SHANK2: variants seen among roughly 807,000 people sequenced by gnomAD.
The protein encoded by SHANK2 is SH3 and multiple ankyrin repeat domains 2, also known as SH3 and multiple ankyrin repeat domains protein 2.
SHANK2 carries 43 observed loss-of-function variants against 133.7 expected under a neutral mutation model. The observed-to-expected ratio is 0.32, with a 90% CI of 0.25 to 0.41. The LOEUF (loss-of-function observed/expected upper bound fraction) is 0.41. SHANK2 is among the 10% of genes least tolerant of loss of function. The pLI is 1.00. For synonymous variants in SHANK2, 1,017 were observed against 952.8 expected (o/e 1.07, Z -1.24); for missense variants, 1,994 against 2,235.8 (o/e 0.89, Z 2.18).
intron 14 of SHANK2, among the ~76,000 whole-genome samples, chr11:70,778,577 G>A (rs1033833945): frequency 6.6e-6 from 1 of 152,176 alleles, no homozygotes; most frequent in African/African-American, 2.4e-5. Context: ...GAGGAAGAGA[G>A]AGCAGAGGTG....
At chr11:70,720,160 C>A (rs1343821511) in intron 14 of SHANK2, among the ~76,000 whole-genome samples, 3 of 152,190 alleles carry the variant, frequency 2.0e-5, no homozygotes, top group South Asian at 2.1e-4. Flanking sequence ...CACAGCTGCA[C>A]CCCCAGGGCC....
chr11:70,501,866 T>TG, intron 20 of SHANK2, 57 bp downstream of exon 20: 1 of 1,542,798 alleles, frequency 6.5e-7, no homozygotes, highest in South Asian at 1.2e-5. Flanking sequence ...TGGATGTCAG[T>TG]GGGGGTGCCC....
intron 11 of SHANK2, among the ~76,000 whole-genome samples, chr11:70,833,628 T>C (rs1948764011): frequency 6.6e-6 from 1 of 152,362 alleles, no homozygotes; most frequent in Admixed American, 6.5e-5. Context: ...GTGATGATGG[T>C]CACTTCAAGG....
At chr11:70,661,933 A>G in intron 15 of SHANK2, 1 of 902,674 alleles carries the variant, frequency 1.1e-6, no homozygotes, top group Admixed American at 2.0e-5. Flanking sequence ...CAGCCGGAGG[A>G]AGGAGTCATA....
chr11:70,510,142 G>C (rs1346205673), intron 17 of SHANK2, among the ~76,000 whole-genome samples: 3 of 152,204 alleles, frequency 2.0e-5, no homozygotes, highest in Non-Finnish European at 4.4e-5. Context: ...GGCAGGGACT[G>C]GAGGAGCAGA....
intron 10 of SHANK2, among the ~76,000 whole-genome samples, chr11:70,908,784 G>T (rs1950148099): frequency 1.3e-5 from 2 of 152,180 alleles, no homozygotes; most frequent in South Asian, 4.1e-4. Flanking sequence ...ACCACTTTCA[G>T]CGTTTGAAAG....
intron 17 of SHANK2, among the ~76,000 whole-genome samples, chr11:70,547,915 G>A (rs564540601): frequency 2.6e-5 from 4 of 152,244 alleles, no homozygotes; most frequent in Non-Finnish European, 5.9e-5. Context: ...GTGAAGATAA[G>A]CTTGTTATCA....
chr11:70,796,099 T>C (rs1947905013), intron 14 of SHANK2, among the ~76,000 whole-genome samples: 1 of 152,062 alleles, frequency 6.6e-6, no homozygotes, highest in African/African-American at 2.4e-5. Context: ...CTGCACAGGA[T>C]GTACATTTTC....
intron 8 of SHANK2, among the ~76,000 whole-genome samples, chr11:71,084,523 C>T (rs1403936095): frequency 3.3e-5 from 5 of 152,218 alleles, no homozygotes; most frequent in African/African-American, 1.2e-4. Flanking sequence ...ACGATGAACG[C>T]CCAGAACCCT....
chr11:70,856,107 T>C (rs1183497006), intron 11 of SHANK2, among the ~76,000 whole-genome samples: 3 of 151,080 alleles, frequency 2.0e-5, no homozygotes, highest in African/African-American at 7.3e-5. Flanking sequence ...GGTGGGAGGA[T>C]GGGTGAATGG....
At chr11:70,888,950 C>T (rs1052853203) in intron 11 of SHANK2, among the ~76,000 whole-genome samples, 10 of 152,228 alleles carry the variant, frequency 6.6e-5, no homozygotes, top group South Asian at 4.2e-4. Flanking sequence ...ACAGTGGGGA[C>T]GGTAGAATCA....
At chr11:70,661,869 T>G in intron 15 of SHANK2, 191 bp from the exon 16 acceptor site, 1 of 1,516,002 alleles carries the variant, frequency 6.6e-7, no homozygotes, top group Non-Finnish European at 9.0e-7. Context: ...GCTACCGGGA[T>G]AGGCGAGCGT....
chr11:70,497,136 C>T, intron 21 of SHANK2: 2 of 423,768 alleles, frequency 4.7e-6, no homozygotes, highest in South Asian at 1.8e-5. Flanking sequence ...GAAAACCCTG[C>T]ATTGGCTCCC....
At chr11:70,524,229 C>G (rs2059367507) in intron 17 of SHANK2, among the ~76,000 whole-genome samples, 3 of 152,210 alleles carry the variant, frequency 2.0e-5, no homozygotes, top group Non-Finnish European at 4.4e-5. Flanking sequence ...AGTCCCACCC[C>G]CTGGGGGGCA....
At chr11:70,543,879 G>T (rs1009985242) in intron 17 of SHANK2, among the ~76,000 whole-genome samples, 7 of 152,318 alleles carry the variant, frequency 4.6e-5, no homozygotes, top group African/African-American at 1.7e-4. Context: ...GAACTGAATT[G>T]AATTAGGGGC....
intron 17 of SHANK2, among the ~76,000 whole-genome samples, chr11:70,587,596 GA>G (rs1379418975): frequency 6.6e-6 from 1 of 152,108 alleles, no homozygotes; most frequent in African/African-American, 2.4e-5. Context: ...AAAAGATGCA[GA>G]GGCATATCTT....
chr11:70,627,358 G>A (rs1212817935), intron 17 of SHANK2, among the ~76,000 whole-genome samples: 1 of 152,170 alleles, frequency 6.6e-6, no homozygotes, highest in Non-Finnish European at 1.5e-5. Context: ...GGTCCAGCTG[G>A]TGGGGGCGTC....
At chr11:70,599,431 C>T (rs1238334714) in intron 17 of SHANK2, among the ~76,000 whole-genome samples, 1 of 114,524 alleles carries the variant, frequency 8.7e-6, no homozygotes, top group Admixed American at 9.0e-5. Context: ...CACGGTGAAA[C>T]CCCGTCTCTA....
chr11:70,624,668 A>G (rs1320471646), intron 17 of SHANK2, among the ~76,000 whole-genome samples: 1 of 152,182 alleles, frequency 6.6e-6, no homozygotes, highest in African/African-American at 2.4e-5. Context: ...GTCTGGAGAC[A>G]TTCTTGGTTT....
Sources: gnomAD v4.1 joint callset for allele counts (sites outside exome capture counted in the v4.1 genomes callset) on GRCh38, gnomAD v4.1.1 for gene constraint, MANE v1.5 for transcripts, NCBI Gene and HGNC (gene_info 2026-07-23, HGNC 2026-07-21) for gene names.